KIF6: variants seen among roughly 807,000 people sequenced by gnomAD.
The protein encoded by KIF6 is kinesin family member 6, also known as kinesin-like protein KIF6.
KIF6 carries 106 observed loss-of-function variants against 112.7 expected under a neutral mutation model. The observed-to-expected ratio is 0.94, with a 90% confidence interval of 0.80 to 1.11. The LOEUF (loss-of-function observed/expected upper bound fraction) is 1.11, where lower values mean the gene tolerates loss of function less well. KIF6 is among the 50% of genes least tolerant of loss of function. KIF6 has a pLI of 0.00. For missense variants in KIF6, 929 were observed against 964.0 expected, an observed-to-expected ratio of 0.96 and a Z score of 0.48; for synonymous variants, 339 against 339.9, an observed-to-expected ratio of 1.00 and a Z score of 0.03.
rs775764543 is a variant in KIF6, at chr6:39,634,942, T to A, written c.416A>T (p.Tyr139Phe). The change falls in exon 5 of 23, where the codon TAT (tyrosine) becomes TTT (phenylalanine). Residue 139 changes from tyrosine to phenylalanine, a missense_variant. This residue lies in a region of KIF6 where 688 missense variants were observed against 662.7 expected (regional missense o/e 1.04). Coordinates refer to ENST00000287152, the MANE Select transcript of KIF6 (RefSeq NM_145027.6). Reference sequence around the variant, plus strand: ...TTCCAAATAGGAAATGTGTGTTGTATATATTTTGCTGCTGTCCTGATTGGA... The same window carrying A: ...TTCCAAATAGGAAATGTGTGTTGTAAATATTTTGCTGCTGTCCTGATTGGA... ...EQLQKDSSKI[Y>F]TTHISYLEIY... is the part of the protein sequence containing the mutation. 19 of 1,603,620 alleles carry A rather than the reference T, an allele frequency of 1.2e-5. No homozygotes were observed. Among genetic ancestry groups the A allele is most frequent in the Non-Finnish European group, 1.5e-5 (18 of 1,170,874 alleles).
intron 1 of KIF6, among the ~76,000 whole-genome samples, chr6:39,722,257 T>C (rs1009331444): frequency 2.0e-5 from 3 of 152,176 alleles, no homozygotes; most frequent in Non-Finnish European, 2.9e-5. Context: ...ATTTCTCTGC[T>C]CAGCAGACAG....
At chr6:39,720,160 TAA>T (rs1010339382) in intron 2 of KIF6, among the ~76,000 whole-genome samples, 2 of 152,222 alleles carry the variant, frequency 1.3e-5, no homozygotes, top group African/African-American at 4.8e-5. Context: ...TCCTTCATGC[TAA>T]GTCTTCAAAA....
intron 13 of KIF6, among the ~76,000 whole-genome samples, chr6:39,443,322 G>A (rs1291536518): frequency 6.6e-6 from 1 of 151,870 alleles, no homozygotes; most frequent in Non-Finnish European, 1.5e-5. Context: ...GTGCTTCAGA[G>A]GCAGTGGTTA....
At chr6:39,563,912 T>C (rs1197833030) in intron 10 of KIF6, among the ~76,000 whole-genome samples, 1 of 152,230 alleles carries the variant, frequency 6.6e-6, no homozygotes, top group African/African-American at 2.4e-5. Flanking sequence ...TCATTTTAAT[T>C]TGCATTTCTT....
intron 13 of KIF6, among the ~76,000 whole-genome samples, chr6:39,513,834 G>T (rs1403879189): frequency 6.6e-6 from 1 of 152,100 alleles, no homozygotes; most frequent in African/African-American, 2.4e-5. Context: ...TAATAACAAG[G>T]TTTGAATGTG....
At chr6:39,688,250 G>C (rs958930611) in intron 3 of KIF6, among the ~76,000 whole-genome samples, 1 of 152,126 alleles carries the variant, frequency 6.6e-6, no homozygotes, top group Admixed American at 6.5e-5. Context: ...CAGAGGGCAG[G>C]AGGCAGGTTA....
intron 13 of KIF6, among the ~76,000 whole-genome samples, chr6:39,528,241 A>G (rs776418802): frequency 1.6e-4 from 24 of 152,168 alleles, no homozygotes; most frequent in Non-Finnish European, 2.8e-4. Flanking sequence ...GCTTATTTCA[A>G]TTAGTATAAT....
intron 13 of KIF6, among the ~76,000 whole-genome samples, chr6:39,510,676 A>G (rs1381545887): frequency 6.6e-6 from 1 of 152,144 alleles, no homozygotes; most frequent in East Asian, 1.9e-4. Flanking sequence ...TAATGGCAGG[A>G]TCAAATTCAC....
chr6:39,577,973 G>T, intron 10 of KIF6, 83 bp downstream of exon 10: 1 of 925,324 alleles, frequency 1.1e-6, no homozygotes, highest in Non-Finnish European at 1.7e-6. Flanking sequence ...GCTTTGAGGT[G>T]AATTCATAAC....
At chr6:39,725,195 C>A in intron 1 of KIF6, 50 bp downstream of exon 1, 3 of 1,542,584 alleles carry the variant, frequency 1.9e-6, no homozygotes, top group Non-Finnish European at 2.7e-6. Flanking sequence ...CGCCCGACCC[C>A]AGCCCAAGAG....
At chr6:39,428,447 G>T (rs1291700792) in intron 14 of KIF6, among the ~76,000 whole-genome samples, 1 of 152,196 alleles carries the variant, frequency 6.6e-6, no homozygotes, top group East Asian at 1.9e-4. Context: ...GAAGGCTTGT[G>T]AAACCCTTGG....
At chr6:39,665,369 G>C (rs993191862) in intron 3 of KIF6, among the ~76,000 whole-genome samples, 2 of 152,124 alleles carry the variant, frequency 1.3e-5, no homozygotes, top group Non-Finnish European at 2.9e-5. Context: ...TACACACAAA[G>C]TCAATGTGGT....
chr6:39,603,546 G>C (rs73732160), intron 6 of KIF6, among the ~76,000 whole-genome samples: 1 of 149,026 alleles, frequency 6.7e-6, no homozygotes, highest in Non-Finnish European at 1.5e-5. Context: ...TTTGTGGGGG[G>C]TGTGTGTGTG....
rs1790178521 is a variant in KIF6, at chr6:39,720,872, C to A, written c.67-61G>T. The A allele has an allele frequency of 3.9e-6, 3 of 764,824 alleles. No homozygotes were observed. In the South Asian group the frequency reaches 4.3e-5, roughly 11 times the overall value. 47.4% of individuals were successfully genotyped at this position (764,824 alleles called of 1,614,324 possible). A position where few individuals can be genotyped will look rare whatever the true frequency, so the allele number is the denominator to read the frequency against. On this transcript the variant is annotated intron_variant, in intron 1 of 22. Transcript: ENST00000287152. ...GTGAAATTATGGCTTGAACTATCAC[C>A]ATGTTATTATGACTTGTAATGATAT...
chr6:39,336,463 G>A lies in KIF6; in HGVS notation c.*69C>T. 6.8e-7 allele frequency: 1 copy of A among 1,473,024 alleles called. No individual in the cohort carries two copies. Among genetic ancestry groups the A allele is most frequent in the Non-Finnish European group, 9.5e-7 (1 of 1,051,406 alleles). 91.2% of individuals were successfully genotyped at this position (1,473,024 alleles called of 1,614,324 possible). On this transcript the variant is annotated 3_prime_UTR_variant, in exon 23 of 23. Coordinates refer to ENST00000287152, the MANE Select transcript of KIF6 (RefSeq NM_145027.6). Reference sequence around the variant, plus strand: ...GTTCACTTCTGAAGCCAGAGCAAGTGAGGGGCGCTGCCTTCATCTGTGCTT... The same window carrying A: ...GTTCACTTCTGAAGCCAGAGCAAGTAAGGGGCGCTGCCTTCATCTGTGCTT...
At chr6:39,558,260 T>G (rs1257020516) in intron 10 of KIF6, among the ~76,000 whole-genome samples, 9 of 152,112 alleles carry the variant, frequency 5.9e-5, no homozygotes, top group Admixed American at 5.9e-4. Context: ...AATTACTTAT[T>G]TTATGGTCCT....
At chr6:39,606,960 A>G (rs1450932768) in intron 6 of KIF6, among the ~76,000 whole-genome samples, 2 of 152,274 alleles carry the variant, frequency 1.3e-5, no homozygotes, top group East Asian at 3.9e-4. Flanking sequence ...CTCTCTCACC[A>G]TAAGTCAAAT....
intron 16 of KIF6, among the ~76,000 whole-genome samples, chr6:39,374,032 T>G (rs1407170067): frequency 1.3e-5 from 2 of 152,288 alleles, no homozygotes; most frequent in African/African-American, 4.8e-5. Context: ...AACAGACACA[T>G]TGACCAATGC....
chr6:39,621,196 GACACACACAC>G, intron 5 of KIF6, among the ~76,000 whole-genome samples: 1 of 136,006 alleles, frequency 7.4e-6, no homozygotes, highest in South Asian at 2.5e-4. Flanking sequence ...CCGTAAGATA[GACACACACAC>G]ACACACACAC....
Sources: allele counts gnomAD v4.1 joint callset (sites outside exome capture counted in the v4.1 genomes callset), GRCh38; gene constraint gnomAD v4.1.1; regional missense constraint gnomAD v4.1.1; transcripts MANE v1.5; gene names NCBI Gene and HGNC (gene_info 2026-07-23, HGNC 2026-07-21).